The following SULT1B1 variants were observed in gnomAD, a reference collection of about 807,000 sequenced individuals.
SULT1B1 encodes sulfotransferase 1B1.
A neutral mutation model predicts 34.6 loss-of-function variants in SULT1B1; 28 were observed. The ratio of observed to expected loss-of-function variants is 0.81; its 90% CI spans 0.60 to 1.11. SULT1B1 has a LOEUF of 1.11. Ranked by LOEUF, SULT1B1 falls within the 50% of genes least tolerant of loss-of-function variation. SULT1B1 has a pLI of 0.00. For synonymous variants in SULT1B1, 147 were observed against 110.2 expected (o/e 1.33, Z -2.09); for missense variants, 374 against 352.2 (o/e 1.06, Z -0.50).
At chr4:69,739,525 G>C (rs1718455864) in intron 4 of SULT1B1, among the ~76,000 whole-genome samples, 1 of 152,200 alleles carries the variant, frequency 6.6e-6, no homozygotes, top group Admixed American at 6.5e-5. Context: ...CAAGTCCCTA[G>C]ACTGCACATA....
chr4:69,743,136 G>T (rs1718615584), intron 4 of SULT1B1, among the ~76,000 whole-genome samples: 2 of 152,176 alleles, frequency 1.3e-5, no homozygotes, highest in African/African-American at 4.8e-5. Context: ...TGTGTTTCAG[G>T]CCTGTTTGTG....
chr4:69,746,040 T>C (rs1272589522), intron 4 of SULT1B1, among the ~76,000 whole-genome samples: 1 of 152,226 alleles, frequency 6.6e-6, no homozygotes, highest in East Asian at 1.9e-4. Flanking sequence ...GCCCTCAATC[T>C]CTTCCAACTT....
At chr4:69,754,833 C>T (rs778645799) in intron 2 of SULT1B1, 35 bp from the exon 3 acceptor site, 3 of 1,602,238 alleles carry the variant, frequency 1.9e-6, no homozygotes, top group South Asian at 2.2e-5. Context: ...AAATAATTAC[C>T]CAAATTGCAC....
chr4:69,744,531 A>G (rs1578059771), intron 4 of SULT1B1, among the ~76,000 whole-genome samples: 1 of 152,158 alleles, frequency 6.6e-6, no homozygotes, highest in Non-Finnish European at 1.5e-5. Context: ...TGGACTATAA[A>G]GGTGTTCCTA....
At chr4:69,744,567 T>A (rs1403047908) in intron 4 of SULT1B1, among the ~76,000 whole-genome samples, 2 of 152,214 alleles carry the variant, frequency 1.3e-5, no homozygotes, top group Non-Finnish European at 2.9e-5. Context: ...TCCTTGTATT[T>A]TTGTGGTGTT....
intron 4 of SULT1B1, among the ~76,000 whole-genome samples, chr4:69,737,900 T>G (rs929766323): frequency 2.0e-5 from 3 of 152,206 alleles, no homozygotes; most frequent in Non-Finnish European, 4.4e-5. Flanking sequence ...TGGGCGCATG[T>G]GCAGATTTGT....
At chr4:69,729,422 A>T (rs1717973350) in intron 7 of SULT1B1, among the ~76,000 whole-genome samples, 1 of 152,090 alleles carries the variant, frequency 6.6e-6, no homozygotes. Flanking sequence ...GACTGTCCAT[A>T]CACATACATT....
intron 4 of SULT1B1, among the ~76,000 whole-genome samples, chr4:69,737,364 G>A (rs1228378043): frequency 6.6e-6 from 1 of 152,006 alleles, no homozygotes. Flanking sequence ...TCTCCAAACA[G>A]AAAGAAAATG....
chr4:69,751,572 C>T (rs987551619), intron 3 of SULT1B1, among the ~76,000 whole-genome samples: 11 of 152,174 alleles, frequency 7.2e-5, no homozygotes, highest in African/African-American at 2.7e-4. Context: ...CTGCCTCAGC[C>T]TCCCGAGTAG....
chr4:69,751,537 T>C (rs547085026), intron 3 of SULT1B1, among the ~76,000 whole-genome samples: 6 of 152,198 alleles, frequency 3.9e-5, no homozygotes, highest in South Asian at 4.1e-4. Flanking sequence ...CTGCAAGCTC[T>C]GCCTCCCGGG....
chr4:69,740,263 A>C (rs1718492310), intron 4 of SULT1B1, among the ~76,000 whole-genome samples: 1 of 152,230 alleles, frequency 6.6e-6, no homozygotes, highest in Admixed American at 6.5e-5. Flanking sequence ...TGGATTATTT[A>C]TAAAGGAAAG....
chr4:69,755,102 TCTGGTCTGCTATGGAA>T lies in SULT1B1; in HGVS notation c.100_115del (p.Phe34MetfsTer4), dbSNP rs2110032241. The T allele has an allele frequency of 1.9e-6, 3 of 1,613,906 alleles. No individual in the cohort carries two copies. The South Asian group carries it at 3.3e-5, about 18-fold the overall frequency. On this transcript the variant is annotated frameshift_variant, in exon 2 of 8. Transcript: ENST00000310613. LOFTEE classifies it high-confidence loss of function. ...AGGATAAGTGGCTATCACAATGTCA[TCTGGTCTGCTATGGAA>T]CTGTTCAATTTTTTCCCAGTTGCTT...
chr4:69,736,038 C>T (rs896216559), intron 4 of SULT1B1, among the ~76,000 whole-genome samples: 1 of 152,154 alleles, frequency 6.6e-6, no homozygotes, highest in Admixed American at 6.5e-5. Context: ...AATCTGTGCA[C>T]TTGGGAGAGG....
intron 6 of SULT1B1, 37 bp downstream of exon 6, chr4:69,733,376 T>A: frequency 6.9e-7 from 1 of 1,452,696 alleles, no homozygotes; most frequent in Non-Finnish European, 9.5e-7. Flanking sequence ...CATGATGCAG[T>A]GGGGAAATTA....
intron 4 of SULT1B1, among the ~76,000 whole-genome samples, chr4:69,749,452 C>G (rs1025612227): frequency 6.6e-6 from 1 of 151,994 alleles, no homozygotes; most frequent in Admixed American, 6.6e-5. Context: ...TACAGAAGGC[C>G]TGAAGATCTA....
In SULT1B1 at chr4:69,722,649, T is replaced by C. The variant is rs1374548777; in HGVS notation, c.*4439A>G. ...GCAAGTATCTCCAGAATAATAGGTG[T>C]ACTACTTCTATGAGGTTTGTTGTTA... On this transcript the variant is annotated 3_prime_UTR_variant, in exon 8 of 8. Coordinates refer to ENST00000310613, the MANE Select transcript of SULT1B1 (RefSeq NM_014465.4). 4 of 152,128 alleles carry C rather than the reference T, an allele frequency of 2.6e-5. No homozygotes were observed. The highest frequency in any genetic ancestry group is 9.7e-5 in the African/African-American group (4 of 41,440). The allele number at this position is 152,128 out of a possible 1,614,324, so 9.4% of individuals were successfully genotyped here.
chr4:69,728,760 A>AT (rs1717940947), intron 7 of SULT1B1, among the ~76,000 whole-genome samples: 1 of 152,062 alleles, frequency 6.6e-6, no homozygotes, highest in African/African-American at 2.4e-5. Context: ...ATGCTTACAT[A>AT]TAATTTACCA....
chr4:69,735,743 AAAGATTTAAAGTAG>A (rs1466773781), intron 4 of SULT1B1, among the ~76,000 whole-genome samples: 1 of 152,218 alleles, frequency 6.6e-6, no homozygotes, highest in Non-Finnish European at 1.5e-5. Flanking sequence ...GTTATCTGAC[AAAGATTTAAAGTAG>A]CTATCATAAA....
In SULT1B1 at chr4:69,723,854, A is replaced by C. The variant is rs1717726019; in HGVS notation, c.*3234T>G. Reference sequence around the variant, plus strand: ...TCATGCTAAAAACTCTCAATAAATTAGGTATTGATGGAATGTATCTCAAAA... The same window carrying C: ...TCATGCTAAAAACTCTCAATAAATTCGGTATTGATGGAATGTATCTCAAAA... On this transcript the variant is annotated 3_prime_UTR_variant, in exon 8 of 8. Transcript: ENST00000310613. The C allele has an allele frequency of 6.6e-6, 1 of 152,324 alleles. No homozygotes were observed. Among genetic ancestry groups the C allele is most frequent in the African/African-American group, 2.4e-5 (1 of 41,572 alleles). 9.4% of individuals were successfully genotyped at this position (152,324 alleles called of 1,614,324 possible). A position where few individuals can be genotyped will look rare whatever the true frequency, so the allele number is the denominator to read the frequency against.
Sources: gnomAD v4.1 joint callset for allele counts (sites outside exome capture counted in the v4.1 genomes callset) on GRCh38, gnomAD v4.1.1 for gene constraint, MANE v1.5 for transcripts, NCBI Gene and HGNC (gene_info 2026-07-23, HGNC 2026-07-21) for gene names.